The following VPS41 variants were observed in gnomAD, a reference collection of about 807,000 sequenced individuals.
The protein encoded by VPS41 is vacuolar protein sorting-associated protein 41 homolog.
Under a neutral mutation model 130.9 loss-of-function variants are expected in VPS41, and 85 were observed. The observed-to-expected ratio is 0.65, with a 90% CI of 0.55 to 0.78. VPS41 has a LOEUF of 0.78. Among genes scored for constraint, VPS41 ranks in the 30% least tolerant of loss-of-function variants. The pLI, the probability that VPS41 is intolerant of heterozygous loss-of-function variation, is 0.00. For synonymous variants in VPS41, 335 were observed against 332.9 expected, an observed-to-expected ratio of 1.01 and a Z score of -0.07; for missense variants, 874 against 1,018.7, an observed-to-expected ratio of 0.86 and a Z score of 1.93.
At chr7:38,825,663 G>T (rs1785259164) in intron 5 of VPS41, among the ~76,000 whole-genome samples, 1 of 152,098 alleles carries the variant, frequency 6.6e-6, no homozygotes, top group Non-Finnish European at 1.5e-5. Flanking sequence ...TGAAGAAAAA[G>T]AGAAAATTCC....
intron 7 of VPS41, among the ~76,000 whole-genome samples, chr7:38,805,571 GA>G (rs34156510): frequency 5.4e-4 from 78 of 143,746 alleles, no homozygotes; most frequent in Middle Eastern, 3.6e-3. Context: ...CCCAAAAGTT[GA>G]AAAAAAAAAA....
chr7:38,800,435 A>G lies in VPS41; in HGVS notation c.451-3571T>C, dbSNP rs140394489. Among the ~76,000 whole-genome samples the G allele has an allele frequency of 2.6e-4, 40 of 152,292 alleles. 2 individuals carry two copies. The East Asian group carries it at 7.5e-3, about 29-fold the overall frequency. ...TAATTATTCTGCACTAAATATATGAATTTTTTATGTTAATACATTAATGGG... is the reference window on the plus strand; with the variant it reads ...TAATTATTCTGCACTAAATATATGAGTTTTTTATGTTAATACATTAATGGG... On this transcript the variant is annotated intron_variant, in intron 7 of 28. Transcript: ENST00000310301.
intron 22 of VPS41, among the ~76,000 whole-genome samples, chr7:38,746,627 C>T (rs1304670599): frequency 6.6e-6 from 1 of 152,070 alleles, no homozygotes; most frequent in Admixed American, 6.5e-5. Context: ...GGGGAAGTGG[C>T]ATCTGAACCG....
At chr7:38,747,212 G>A (rs1796003243) in intron 22 of VPS41, among the ~76,000 whole-genome samples, 2 of 152,064 alleles carry the variant, frequency 1.3e-5, no homozygotes, top group African/African-American at 2.4e-5. Flanking sequence ...CTACTGCAGA[G>A]ACAAAAAACA....
Position 38,728,553 on chromosome 7 carries a change from A to C in VPS41, c.2393T>G (p.Ile798Ser), listed in dbSNP as rs1176623341. 1 of 1,614,146 alleles carries C rather than the reference A, an allele frequency of 6.2e-7. No individual in the cohort carries two copies. The highest frequency in any genetic ancestry group is 8.5e-7 in the Non-Finnish European group (1 of 1,180,024). The change falls in exon 27 of 29, where the codon ATT becomes AGT. Residue 798 changes from isoleucine (I) to serine (S), a missense_variant. Transcript: ENST00000310301. ...GAAAACCTTCTTACCTGATGGAAGA[A>C]TAGGGGAAAGGCACGACTCACAGAT... ...ENICESCLSP[I>S]LPSDAAKPFS...
intron 7 of VPS41, among the ~76,000 whole-genome samples, chr7:38,800,171 G>A (rs558832818): frequency 2.0e-5 from 3 of 152,274 alleles, no homozygotes; most frequent in Non-Finnish European, 4.4e-5. Context: ...AGCATAATAC[G>A]ATGGAGCACA....
Position 38,898,371 on chromosome 7 carries a change from G to A in VPS41, c.22-242C>T, listed in dbSNP as rs148010949. On this transcript the variant is annotated intron_variant, in intron 1 of 28. Coordinates refer to ENST00000310301, the MANE Select transcript of VPS41 (RefSeq NM_014396.4). ...GTTAACAGGTAAACAAATTACCCCA[G>A]GAACTTATCATCTGAGGGCCTGGAA... 4.4e-3 allele frequency among the ~76,000 whole-genome samples: 667 copies of A among 152,176 alleles called. 6 individuals carry two copies. The highest frequency in any genetic ancestry group is 0.016 in the African/African-American group (649 of 41,498).
At chr7:38,871,946 C>G (rs566849220) in intron 2 of VPS41, among the ~76,000 whole-genome samples, 6 of 152,288 alleles carry the variant, frequency 3.9e-5, no homozygotes, top group African/African-American at 1.4e-4. Flanking sequence ...CAAGCATGTG[C>G]CACACTCCTG....
At chr7:38,865,057 G>A (rs373659047) in intron 3 of VPS41, among the ~76,000 whole-genome samples, 1 of 152,014 alleles carries the variant, frequency 6.6e-6, no homozygotes. Flanking sequence ...TTTTAAATCT[G>A]GTCAACTGTC....
At chr7:38,867,476 C>A (rs796958789) in intron 3 of VPS41, among the ~76,000 whole-genome samples, 35 of 151,354 alleles carry the variant, frequency 2.3e-4, no homozygotes, top group Middle Eastern at 6.8e-3. Flanking sequence ...ACCTGGGAGG[C>A]GGAGGTTGCA....
chr7:38,812,897 G>A (rs1177089729), intron 7 of VPS41, among the ~76,000 whole-genome samples: 1 of 152,118 alleles, frequency 6.6e-6, no homozygotes, highest in African/African-American at 2.4e-5. Context: ...ATATTGGTGA[G>A]AATGTAGACA....
rs70977430 is a variant in VPS41 at position 38,723,561 on chromosome 7, C to CA, written c.*2684dup. 0.054 allele frequency: 8,167 copies of CA among 151,252 alleles called. 250 individuals are homozygous for CA. The highest frequency in any genetic ancestry group is 0.12 in the Middle Eastern group (34 of 294). 9.4% of individuals were successfully genotyped at this position (151,252 alleles called of 1,614,324 possible). A position where few individuals can be genotyped will look rare whatever the true frequency, so the allele number is the denominator to read the frequency against. On this transcript the variant is annotated 3_prime_UTR_variant, in exon 29 of 29. Transcript: ENST00000310301. ...CAACATGGTGAAACCTCATCTCTAC[C>CA]AAAGTACAAAAAATTAGCTGGGCAT...
At chr7:38,817,405 ACCAG>A (rs915871891) in intron 7 of VPS41, among the ~76,000 whole-genome samples, 6 of 152,130 alleles carry the variant, frequency 3.9e-5, no homozygotes, top group Admixed American at 2.6e-4. Context: ...AGAGTTCAAG[ACCAG>A]CCAGGCCATG....
At chr7:38,886,422 TG>T (rs1786732847) in intron 2 of VPS41, among the ~76,000 whole-genome samples, 1 of 152,218 alleles carries the variant, frequency 6.6e-6, no homozygotes, top group African/African-American at 2.4e-5. Context: ...AAGATTGACC[TG>T]GGATGCCGGA....
chr7:38,862,889 T>C (rs998613488), intron 3 of VPS41, among the ~76,000 whole-genome samples: 2 of 152,144 alleles, frequency 1.3e-5, no homozygotes, highest in African/African-American at 4.8e-5. Context: ...ATGCAGTCTA[T>C]ACACAATGCC....
At chr7:38,880,359 T>TA (rs767074134) in intron 2 of VPS41, among the ~76,000 whole-genome samples, 1 of 152,112 alleles carries the variant, frequency 6.6e-6, no homozygotes, top group East Asian at 1.9e-4. Context: ...CCACATCATT[T>TA]AAAAAAATTT....
At chr7:38,760,571 T>C (rs1487937815) in intron 17 of VPS41, among the ~76,000 whole-genome samples, 1 of 152,074 alleles carries the variant, frequency 6.6e-6, no homozygotes, top group East Asian at 1.9e-4. Flanking sequence ...CTTATTTATT[T>C]ATTTATTTTT....
Position 38,765,617 on chromosome 7 carries a change from T to C in VPS41, c.1292A>G (p.Tyr431Cys). The change falls in exon 16 of 29, where the codon TAT becomes TGT. Residue 431 changes from tyrosine (Y) to cysteine (C), a missense_variant. Tyr to Cys is a radical substitution (Grantham distance 194). Coordinates refer to ENST00000310301, the MANE Select transcript of VPS41 (RefSeq NM_014396.4). The stretch of plus-strand genomic sequence containing the variant: ...AATTTCTTTAAATTTATAAACTTCA[T>C]ATTCCCAGAGTGCTGCATTTTTCCC... ...ILGKNAALWE[Y>C]EVYKFKEIGQ... The C allele has an allele frequency of 6.2e-7, 1 of 1,603,456 alleles. No homozygotes were observed. The highest frequency in any genetic ancestry group is 1.7e-5 in the Admixed American group (1 of 57,268).
intron 14 of VPS41, among the ~76,000 whole-genome samples, chr7:38,769,031 C>T (rs146802136): frequency 6.6e-6 from 1 of 152,312 alleles, no homozygotes; most frequent in Non-Finnish European, 1.5e-5. Flanking sequence ...TCACTTTTCA[C>T]TCCCTACAAC....
Sources: gnomAD v4.1 joint callset for allele counts (sites outside exome capture counted in the v4.1 genomes callset) on GRCh38, gnomAD v4.1.1 for gene constraint, MANE v1.5 for transcripts, NCBI Gene and HGNC (gene_info 2026-07-23, HGNC 2026-07-21) for gene names.